Variants in RALGAPA2 observed in about 807,000 individuals in gnomAD.
The protein encoded by RALGAPA2 is Ral GTPase activating protein catalytic subunit alpha 2.
In RALGAPA2, 139 loss-of-function variants were observed where a neutral mutation model predicts 230.4. That is an observed-to-expected ratio of 0.60 (90% CI 0.53 to 0.69). The LOEUF (loss-of-function observed/expected upper bound fraction) is 0.69. Ranked by LOEUF, RALGAPA2 falls within the 30% of genes least tolerant of loss-of-function variation. The pLI, the probability that RALGAPA2 is intolerant of heterozygous loss-of-function variation, is 0.00. For synonymous variants in RALGAPA2, 847 were observed against 837.8 expected (o/e 1.01, Z -0.19); for missense variants, 2,163 against 2,276.0 (o/e 0.95, Z 1.01).
intron 26 of RALGAPA2, 148 bp from the exon 27 acceptor site, chr20:20,531,943 G>T: frequency 1.4e-6 from 1 of 715,248 alleles, no homozygotes; most frequent in South Asian, 2.2e-5. Flanking sequence ...TGAAAGAAAA[G>T]ATAAAGAACC....
intron 35 of RALGAPA2, among the ~76,000 whole-genome samples, chr20:20,502,711 C>T (rs957505935): frequency 1.3e-5 from 2 of 152,156 alleles, no homozygotes; most frequent in Admixed American, 6.5e-5. Context: ...TCCCCACCTG[C>T]TAGCAGGCCA....
In RALGAPA2 at chr20:20,635,476, T is replaced by G; in HGVS notation, c.947A>C (p.Tyr316Ser). 1.2e-6 allele frequency: 2 copies of G among 1,602,576 alleles called. No homozygotes were observed. Among genetic ancestry groups the G allele is most frequent in the South Asian group, 2.3e-5 (2 of 88,434 alleles). The change falls in exon 9 of 40, where the codon TAT (tyrosine) becomes TCT (serine). Residue 316 changes from tyrosine (Y) to serine (S), a missense_variant. Transcript: ENST00000202677. ...TTTAGTGTTTTGTGTTGCAGTTAGA[T>G]ACTTTTTTTCCAAAAAGAAGGTTAC... ...WIVTFFLEKK[Y>S]LTATQNTKNG... is the part of the protein sequence containing the mutation.
chr20:20,560,553 T>A (rs1044473168), intron 23 of RALGAPA2, among the ~76,000 whole-genome samples: 17 of 152,188 alleles, frequency 1.1e-4, no homozygotes, highest in African/African-American at 4.1e-4. Context: ...AGCACTTTTC[T>A]CACGGAAACA....
In RALGAPA2 at chr20:20,521,953, A is replaced by T. The variant is rs2063056690; in HGVS notation, c.3901-853T>A. ...TTTGTAAATAAGTACCAAGAATTAC[A>T]GTTGTCAGGGCAACCACTTGACTAT... On this transcript the variant is annotated intron_variant, in intron 30 of 39. Coordinates refer to ENST00000202677, the MANE Select transcript of RALGAPA2 (RefSeq NM_020343.4). Among the ~76,000 whole-genome samples the T allele has an allele frequency of 2.0e-5, 3 of 152,240 alleles. No individual in the cohort carries two copies. The South Asian group carries it at 6.2e-4, about 32-fold the overall frequency.
intron 3 of RALGAPA2, among the ~76,000 whole-genome samples, chr20:20,662,448 T>C (rs185480495): frequency 2.0e-4 from 31 of 152,214 alleles, no homozygotes; most frequent in African/African-American, 7.5e-4. Flanking sequence ...TCCATAGACT[T>C]GAATTTCCTA....
At chr20:20,407,503 G>A (rs150288638) in intron 38 of RALGAPA2, among the ~76,000 whole-genome samples, 2 of 152,252 alleles carry the variant, frequency 1.3e-5, no homozygotes, top group Non-Finnish European at 1.5e-5. Flanking sequence ...GGAGGCCTTA[G>A]CAAGCAAAAG....
At chr20:20,422,045 C>T (rs1478547488) in intron 37 of RALGAPA2, among the ~76,000 whole-genome samples, 5 of 152,116 alleles carry the variant, frequency 3.3e-5, no homozygotes, top group African/African-American at 7.2e-5. Context: ...GCCCATATAT[C>T]GTGGGACTTC....
At chr20:20,601,892 A>T (rs765265472) in intron 15 of RALGAPA2, 46 bp from the exon 16 acceptor site, 1 of 1,495,198 alleles carries the variant, frequency 6.7e-7, no homozygotes, top group Admixed American at 2.2e-5. Flanking sequence ...ATTCATTATT[A>T]TTCATTTCAC....
intron 5 of RALGAPA2, among the ~76,000 whole-genome samples, chr20:20,642,244 T>G (rs549139989): frequency 6.6e-6 from 1 of 151,986 alleles, no homozygotes; most frequent in South Asian, 2.1e-4. Context: ...GGAGTTTCAC[T>G]CTGTTGCCCA....
At chr20:20,472,988 A>G in intron 36 of RALGAPA2, 32 bp from the exon 37 acceptor site, 1 of 1,582,750 alleles carries the variant, frequency 6.3e-7, no homozygotes, top group Non-Finnish European at 8.6e-7. Context: ...ACAAATTTTA[A>G]AAACTGATAA....
rs117509175 is a variant in RALGAPA2, at chr20:20,396,348, T to C, written c.*35+347A>G. 5.9e-5 allele frequency among the ~76,000 whole-genome samples: 9 copies of C among 152,382 alleles called. No homozygotes were observed. The East Asian group carries it at 1.7e-3, about 29-fold the overall frequency. On this transcript the variant is annotated intron_variant, in intron 39 of 39. Coordinates refer to ENST00000202677, the MANE Select transcript of RALGAPA2 (RefSeq NM_020343.4). Reference sequence around the variant, plus strand: ...GTCTTATCGGCCCATCTCAAGACCCTGCTCCTTCAGGCCTGGGCAACAAAA... The same window carrying C: ...GTCTTATCGGCCCATCTCAAGACCCCGCTCCTTCAGGCCTGGGCAACAAAA...
chr20:20,589,243 C>G (rs1295523574), intron 18 of RALGAPA2, 25 bp downstream of exon 18: 4 of 1,530,480 alleles, frequency 2.6e-6, no homozygotes, highest in East Asian at 4.9e-5. Context: ...TAATGACAAA[C>G]TGAAATGGCT....
At chr20:20,687,924 C>T (rs901604941) in intron 1 of RALGAPA2, among the ~76,000 whole-genome samples, 8 of 152,142 alleles carry the variant, frequency 5.3e-5, no homozygotes, top group Admixed American at 1.3e-4. Flanking sequence ...TCCATGCTAG[C>T]CAGAGTGAAG....
chr20:20,650,470 A>G (rs1039918779), intron 4 of RALGAPA2, among the ~76,000 whole-genome samples: 1 of 152,238 alleles, frequency 6.6e-6, no homozygotes, highest in East Asian at 1.9e-4. Context: ...TGGGACAAGA[A>G]GCATACCGCA....
chr20:20,675,323 T>C (rs960903545), intron 3 of RALGAPA2, among the ~76,000 whole-genome samples: 1 of 152,126 alleles, frequency 6.6e-6, no homozygotes, highest in Non-Finnish European at 1.5e-5. Context: ...AAGTTTCCCA[T>C]ATCTTGTTTT....
At chr20:20,646,090 T>C (rs955780644) in intron 4 of RALGAPA2, among the ~76,000 whole-genome samples, 2 of 151,960 alleles carry the variant, frequency 1.3e-5, no homozygotes, top group African/African-American at 4.8e-5. Context: ...GGTCTCACTC[T>C]GTAGCCTAAA....
chr20:20,570,783 G>T (rs895437471), intron 23 of RALGAPA2, among the ~76,000 whole-genome samples: 1 of 152,030 alleles, frequency 6.6e-6, no homozygotes, highest in East Asian at 1.9e-4. Flanking sequence ...CACATCACTT[G>T]CCTGCTTGAT....
chr20:20,695,828 T>C (rs1188579166), intron 1 of RALGAPA2, among the ~76,000 whole-genome samples: 1 of 152,180 alleles, frequency 6.6e-6, no homozygotes, highest in Non-Finnish European at 1.5e-5. Flanking sequence ...AAAGCACAAC[T>C]GGGGTCCTAA....
chr20:20,653,404 A>G, intron 4 of RALGAPA2, 126 bp downstream of exon 4: 1 of 620,454 alleles, frequency 1.6e-6, no homozygotes, highest in Non-Finnish European at 2.9e-6. Context: ...TTTCATTACC[A>G]TAATACCATA....
Sources: gnomAD v4.1 joint callset for allele counts (sites outside exome capture counted in the v4.1 genomes callset) on GRCh38, gnomAD v4.1.1 for gene constraint, MANE v1.5 for transcripts, NCBI Gene and HGNC (gene_info 2026-07-23, HGNC 2026-07-21) for gene names.